ZNF609: variants seen among roughly 807,000 people sequenced by gnomAD.
The protein encoded by ZNF609 is zinc finger protein 609.
In ZNF609, 11 loss-of-function variants were observed where a neutral mutation model predicts 109.5. The observed-to-expected ratio is 0.10, with a 90% CI of 0.06 to 0.17. The LOEUF (loss-of-function observed/expected upper bound fraction) is 0.17. Ranked by LOEUF, ZNF609 falls within the 10% of genes least tolerant of loss-of-function variation. The probability of loss-of-function intolerance (pLI) is 1.00; values close to 1 mark genes in which losing one functional copy is unlikely to be tolerated. For synonymous variants in ZNF609, 646 were observed against 662.0 expected (o/e 0.98, Z 0.37); for missense variants, 1,559 against 1,772.4 (o/e 0.88, Z 2.16).
intron 2 of ZNF609, among the ~76,000 whole-genome samples, chr15:64,611,324 C>A (rs1462505929): frequency 6.6e-6 from 1 of 152,142 alleles, no homozygotes; most frequent in Admixed American, 6.6e-5. Context: ...ATGTGAATTT[C>A]AAGCAGGCAG....
At chr15:64,668,005 A>T (rs1459682426) in intron 3 of ZNF609, among the ~76,000 whole-genome samples, 1 of 152,214 alleles carries the variant, frequency 6.6e-6, no homozygotes, top group East Asian at 1.9e-4. Flanking sequence ...CTGATTCATT[A>T]TTAGAATAGA....
chr15:64,535,476 A>G (rs1197507665), intron 2 of ZNF609, among the ~76,000 whole-genome samples: 1 of 152,218 alleles, frequency 6.6e-6, no homozygotes, highest in Non-Finnish European at 1.5e-5. Context: ...GCTGAACGGT[A>G]GTATTCCATG....
intron 3 of ZNF609, chr15:64,631,528 T>A (rs1896077958): frequency 6.3e-6 from 4 of 639,400 alleles, no homozygotes; most frequent in South Asian, 5.9e-5. Context: ...CAACTTCATA[T>A]TTTCTTTTCT....
At chr15:64,503,208 C>G (rs1432417126) in intron 2 of ZNF609, 1 of 152,220 alleles carries the variant, frequency 6.6e-6, no homozygotes, top group Non-Finnish European at 1.5e-5. Context: ...ACCATACCTT[C>G]CTCTGACAGA....
intron 2 of ZNF609, among the ~76,000 whole-genome samples, chr15:64,507,955 G>A (rs764812128): frequency 3.9e-5 from 6 of 152,148 alleles, no homozygotes; most frequent in African/African-American, 7.2e-5. Context: ...TTTCCTGGCT[G>A]ACCGAGGAGA....
chr15:64,595,894 A>C (rs1391628887), intron 2 of ZNF609, among the ~76,000 whole-genome samples: 1 of 152,192 alleles, frequency 6.6e-6, no homozygotes, highest in African/African-American at 2.4e-5. Flanking sequence ...ACTGCTATTG[A>C]CAGAAAACTG....
intron 1 of ZNF609, among the ~76,000 whole-genome samples, chr15:64,497,260 A>C (rs1649360344): frequency 6.6e-6 from 1 of 152,036 alleles, no homozygotes; most frequent in Non-Finnish European, 1.5e-5. Flanking sequence ...ACTAATAAAT[A>C]GTGGTTGGTT....
chr15:64,608,712 T>C (rs547120146), intron 2 of ZNF609, among the ~76,000 whole-genome samples: 1 of 137,844 alleles, frequency 7.3e-6, no homozygotes, highest in Admixed American at 8.4e-5. Flanking sequence ...TATATGTGTG[T>C]ATGCATGCAT....
intron 2 of ZNF609, among the ~76,000 whole-genome samples, chr15:64,538,623 C>A (rs899038055): frequency 1.3e-5 from 2 of 149,872 alleles, no homozygotes; most frequent in African/African-American, 4.9e-5. Flanking sequence ...CTTGGCTCAC[C>A]GCAACCTCCG....
intron 1 of ZNF609, among the ~76,000 whole-genome samples, chr15:64,467,991 G>C (rs956106048): frequency 2.0e-5 from 3 of 150,180 alleles, no homozygotes; most frequent in South Asian, 4.2e-4. Flanking sequence ...AGAGTGTTAT[G>C]TTTTCTTTAC....
At position 64,678,160 on chromosome 15, in the gene ZNF609, C is replaced by T. The variant is rs753271380; in HGVS notation, c.3447C>T (p.Tyr1149=). 1 of 1,613,652 alleles carries T rather than the reference C, an allele frequency of 6.2e-7. No individual in the cohort carries two copies. The highest frequency in any genetic ancestry group is 8.5e-7 in the Non-Finnish European group (1 of 1,179,844). The change falls in exon 6 of 10, where the codon TAC becomes TAT. Residue 1149 remains tyrosine (Y), a synonymous_variant. Coordinates refer to ENST00000326648, the MANE Select transcript of ZNF609 (RefSeq NM_015042.2). The stretch of plus-strand genomic sequence containing the variant: ...GGACATATGTTTATCCTGCCAAGTA[C>T]TCAGACATCAAGTCAGAGGATGAGC... The part of the protein sequence containing the change: ...RMWTYVYPAK[Y]SDIKSEDERW...
chr15:64,659,645 T>C (rs1896545151), intron 3 of ZNF609, among the ~76,000 whole-genome samples: 1 of 152,128 alleles, frequency 6.6e-6, no homozygotes, highest in African/African-American at 2.4e-5. Context: ...CCCTAATATC[T>C]CAGGAACCTT....
chr15:64,531,122 G>A (rs763963926), intron 2 of ZNF609, among the ~76,000 whole-genome samples: 6 of 152,108 alleles, frequency 3.9e-5, no homozygotes, highest in Non-Finnish European at 7.3e-5. Context: ...GCAGAAATGA[G>A]TCATTTCCAT....
Position 64,683,179 on chromosome 15 carries a change from C to T in ZNF609, c.*1493C>T, listed in dbSNP as rs1411791955. 1 of 152,590 alleles carries T rather than the reference C, an allele frequency of 6.6e-6. No homozygotes were observed. Among genetic ancestry groups the T allele is most frequent in the African/African-American group, 2.4e-5 (1 of 41,414 alleles). The allele number at this position is 152,590 out of a possible 1,614,324, so 9.5% of individuals were successfully genotyped here. ...AGGTATCATCCCTCTGTTCTCCCCT[C>T]CTATCTTTCCATGACCCTCTGGATT... On this transcript the variant is annotated 3_prime_UTR_variant, in exon 10 of 10. Transcript: ENST00000326648.
chr15:64,674,963 C>A lies in ZNF609; in HGVS notation c.2109C>A (p.Pro703=). Reference sequence around the variant, plus strand: ...TGCCCAACAGTCCCCAACTCAAGCCCATTCAGCCCAAGCCCACTGTTATGG... The same window carrying A: ...TGCCCAACAGTCCCCAACTCAAGCCAATTCAGCCCAAGCCCACTGTTATGG... ...QAMPNSPQLK[P]IQPKPTVMGE... The change falls in exon 5 of 10, where the codon CCC becomes CCA. Residue 703 remains proline (P), a synonymous_variant. Coordinates refer to ENST00000326648, the MANE Select transcript of ZNF609 (RefSeq NM_015042.2). 1 of 1,614,114 alleles carries A rather than the reference C, an allele frequency of 6.2e-7. No homozygotes were observed. Among genetic ancestry groups the A allele is most frequent in the Non-Finnish European group, 8.5e-7 (1 of 1,180,048 alleles).
chr15:64,584,109 A>G (rs1198142383), intron 2 of ZNF609, among the ~76,000 whole-genome samples: 1 of 152,040 alleles, frequency 6.6e-6, no homozygotes, highest in Non-Finnish European at 1.5e-5. Context: ...TTTAAAAAAG[A>G]AAGGAGGGGA....
At position 64,573,103 on chromosome 15, in the gene ZNF609, A is replaced by G. The variant is rs140792685; in HGVS notation, c.748-49724A>G. Among the ~76,000 whole-genome samples the G allele has an allele frequency of 8.7e-4, 132 of 152,258 alleles. 1 individual carries two copies. Among genetic ancestry groups the G allele is most frequent in the African/African-American group, 3.0e-3 (124 of 41,548 alleles). ...AGTACCTAGAACAGTGCCAACGTGT[A>G]GCAGACATGAATAAATATTTGTAGA... is the stretch of plus-strand genomic sequence containing the variant. On this transcript the variant is annotated intron_variant, in intron 2 of 9. Coordinates refer to ENST00000326648, the MANE Select transcript of ZNF609 (RefSeq NM_015042.2).
chr15:64,601,926 A>C (rs1159029455), intron 2 of ZNF609, among the ~76,000 whole-genome samples: 2 of 152,198 alleles, frequency 1.3e-5, no homozygotes, highest in African/African-American at 4.8e-5. Context: ...CATTGGTTCA[A>C]ATCCTGACCC....
At chr15:64,519,467 A>G (rs1893860740) in intron 2 of ZNF609, among the ~76,000 whole-genome samples, 1 of 152,184 alleles carries the variant, frequency 6.6e-6, no homozygotes, top group Non-Finnish European at 1.5e-5. Context: ...CTTGTGTCCT[A>G]GAGAGAATAC....
Sources: allele counts gnomAD v4.1 joint callset (sites outside exome capture counted in the v4.1 genomes callset), GRCh38; gene constraint gnomAD v4.1.1; transcripts MANE v1.5; gene names NCBI Gene and HGNC (gene_info 2026-07-23, HGNC 2026-07-21).